The following ADAMTSL1 variants were observed in gnomAD, a reference collection of about 807,000 sequenced individuals.
ADAMTSL1 encodes the protein ADAMTS-like protein 1.
ADAMTSL1 carries 126 observed loss-of-function variants against 201.8 expected under a neutral mutation model. The ratio of observed to expected loss-of-function variants is 0.62; its 90% CI spans 0.54 to 0.72. The LOEUF (loss-of-function observed/expected upper bound fraction) is 0.72, where lower values mean the gene tolerates loss of function less well. ADAMTSL1 is among the 30% of genes least tolerant of loss of function. The pLI, the probability that ADAMTSL1 is intolerant of heterozygous loss-of-function variation, is 0.00. For missense variants in ADAMTSL1, 2,679 were observed against 2,277.8 expected (o/e 1.18, Z -3.59); for synonymous variants, 1,121 against 903.4 (o/e 1.24, Z -4.32).
intron 1 of ADAMTSL1, among the ~76,000 whole-genome samples, chr9:18,056,711 T>A (rs1822205396): frequency 6.6e-6 from 1 of 152,158 alleles, no homozygotes; most frequent in East Asian, 1.9e-4. Flanking sequence ...AAGTGCCTGA[T>A]CTCTCAGACC....
intron 4 of ADAMTSL1, among the ~76,000 whole-genome samples, chr9:18,575,599 G>A (rs557000429): frequency 5.9e-5 from 9 of 152,168 alleles, no homozygotes; most frequent in African/African-American, 2.2e-4. Flanking sequence ...GAATAGTAGA[G>A]AATTGTAAAG....
chr9:18,191,720 C>G (rs1828978536), intron 2 of ADAMTSL1, among the ~76,000 whole-genome samples: 1 of 152,158 alleles, frequency 6.6e-6, no homozygotes, highest in African/African-American at 2.4e-5. Context: ...TCACTTAAGA[C>G]TGCAAATAAT....
intron 3 of ADAMTSL1, among the ~76,000 whole-genome samples, chr9:18,543,817 C>T (rs1820311928): frequency 6.6e-6 from 1 of 152,184 alleles, no homozygotes. Context: ...CCCCCCAGCC[C>T]CAGTAAGTTA....
chr9:18,283,498 T>A (rs957730318), intron 2 of ADAMTSL1, among the ~76,000 whole-genome samples: 7 of 148,984 alleles, frequency 4.7e-5, no homozygotes, highest in Non-Finnish European at 8.9e-5. Context: ...CACAGCTACT[T>A]GGGAGGCTGT....
intron 1 of ADAMTSL1, among the ~76,000 whole-genome samples, chr9:17,997,705 C>G (rs1023544489): frequency 6.6e-6 from 1 of 152,012 alleles, no homozygotes. Context: ...GTAGTAATAT[C>G]TCCTGTGAAG....
chr9:18,075,733 G>C (rs1403584373), intron 1 of ADAMTSL1, among the ~76,000 whole-genome samples: 1 of 152,212 alleles, frequency 6.6e-6, no homozygotes, highest in Non-Finnish European at 1.5e-5. Context: ...TGGGAGGGCT[G>C]TGTAACCCCA....
intron 2 of ADAMTSL1, among the ~76,000 whole-genome samples, chr9:18,206,290 A>G (rs932930978): frequency 1.6e-4 from 25 of 151,956 alleles, no homozygotes; most frequent in Admixed American, 1.3e-4. Flanking sequence ...TGCCAGGTAC[A>G]CTATTTGATT....
intron 1 of ADAMTSL1, among the ~76,000 whole-genome samples, chr9:18,494,663 C>G (rs373110745): frequency 2.0e-5 from 3 of 152,262 alleles, no homozygotes; most frequent in Non-Finnish European, 2.9e-5. Flanking sequence ...GTTTATGAAG[C>G]GTCTTGTATG....
At chr9:18,118,944 C>G (rs1201298591) in intron 1 of ADAMTSL1, among the ~76,000 whole-genome samples, 1 of 152,106 alleles carries the variant, frequency 6.6e-6, no homozygotes, top group Non-Finnish European at 1.5e-5. Context: ...TATTTTAATG[C>G]AGCAAACATT....
intron 2 of ADAMTSL1, among the ~76,000 whole-genome samples, chr9:18,409,267 C>T (rs1214681134): frequency 6.6e-6 from 1 of 151,178 alleles, no homozygotes; most frequent in Middle Eastern, 3.2e-3. Context: ...CCTGTAATCC[C>T]AGCTACTGGG....
intron 2 of ADAMTSL1, among the ~76,000 whole-genome samples, chr9:18,300,037 G>A (rs752159212): frequency 1.1e-4 from 17 of 152,176 alleles, no homozygotes; most frequent in Non-Finnish European, 2.4e-4. Context: ...TTCAACCATT[G>A]TGGAAGACAG....
intron 2 of ADAMTSL1, among the ~76,000 whole-genome samples, chr9:18,510,116 T>C (rs555879762): frequency 2.0e-5 from 3 of 152,352 alleles, no homozygotes; most frequent in African/African-American, 7.2e-5. Context: ...CTAGCTCTAG[T>C]AATATGACCT....
intron 1 of ADAMTSL1, among the ~76,000 whole-genome samples, chr9:17,915,544 A>AT (rs1826058078): frequency 1.3e-5 from 2 of 152,228 alleles, no homozygotes; most frequent in Admixed American, 1.3e-4. Flanking sequence ...AAGTCTTTGT[A>AT]TGAACACGTT....
intron 2 of ADAMTSL1, among the ~76,000 whole-genome samples, chr9:18,424,330 A>G (rs376762354): frequency 1.3e-5 from 2 of 152,218 alleles, no homozygotes; most frequent in African/African-American, 4.8e-5. Flanking sequence ...GGACACATTC[A>G]GTGAATACTT....
chr9:18,102,876 A>G (rs990366023), intron 1 of ADAMTSL1, among the ~76,000 whole-genome samples: 16 of 152,230 alleles, frequency 1.1e-4, no homozygotes, highest in African/African-American at 3.6e-4. Flanking sequence ...CAGAGCTAGA[A>G]GATGATTCTG....
intron 15 of ADAMTSL1, among the ~76,000 whole-genome samples, chr9:18,741,048 C>T (rs1818797617): frequency 6.6e-6 from 1 of 151,996 alleles, no homozygotes. Flanking sequence ...CTCTGTGCCC[C>T]AAGGAAATAG....
In ADAMTSL1 at chr9:18,826,270, T is replaced by G. The variant is rs766046133; in HGVS notation, c.3935-14T>G. 6.3e-6 allele frequency: 10 copies of G among 1,595,334 alleles called. No individual in the cohort carries two copies. The highest frequency in any genetic ancestry group is 4.5e-5 in the East Asian group (2 of 44,090). ...TGATGAGTGGGGTTTTTTGTTTTTTTTTTTTCTTCCTAGGAGTGCCTGAAG... is the reference window on the plus strand; with the variant it reads ...TGATGAGTGGGGTTTTTTGTTTTTTGTTTTTCTTCCTAGGAGTGCCTGAAG... On this transcript the variant is annotated splice_polypyrimidine_tract_variant and intron_variant, in intron 21 of 28. Coordinates refer to ENST00000380548, the MANE Select transcript of ADAMTSL1 (RefSeq NM_001040272.6).
chr9:18,094,123 A>G (rs1416387883), intron 1 of ADAMTSL1, among the ~76,000 whole-genome samples: 3 of 152,206 alleles, frequency 2.0e-5, no homozygotes, highest in Admixed American at 6.5e-5. Flanking sequence ...TAGAAAACCT[A>G]TGAGTGATAG....
chr9:18,687,317 C>A (rs368990045), intron 13 of ADAMTSL1, among the ~76,000 whole-genome samples: 1 of 152,040 alleles, frequency 6.6e-6, no homozygotes, highest in Admixed American at 6.6e-5. Context: ...CCACATAGAC[C>A]GTTTCTAAAT....
Sources: allele counts gnomAD v4.1 joint callset (sites outside exome capture counted in the v4.1 genomes callset), GRCh38; gene constraint gnomAD v4.1.1; transcripts MANE v1.5; gene names NCBI Gene and HGNC (gene_info 2026-07-23, HGNC 2026-07-21).